ROBO1: variants seen among roughly 807,000 people sequenced by gnomAD.
ROBO1 encodes roundabout guidance receptor 1, also known as roundabout homolog 1.
ROBO1 carries 149 observed loss-of-function variants against 195.9 expected under a neutral mutation model. The ratio of observed to expected loss-of-function variants is 0.76; its 90% CI spans 0.67 to 0.87. ROBO1 has a LOEUF of 0.87. Among genes scored for constraint, ROBO1 ranks in the 40% least tolerant of loss-of-function variants. The pLI, the probability that ROBO1 is intolerant of heterozygous loss-of-function variation, is 0.00. For synonymous variants in ROBO1, 816 were observed against 733.2 expected, an observed-to-expected ratio of 1.11 and a Z score of -1.82; for missense variants, 1,933 against 2,068.3, an observed-to-expected ratio of 0.93 and a Z score of 1.27.
intron 5 of ROBO1, among the ~76,000 whole-genome samples, chr3:78,729,801 T>C (rs2082246676): frequency 6.6e-6 from 1 of 152,236 alleles, no homozygotes; most frequent in South Asian, 2.1e-4. Context: ...CTATGAAAAT[T>C]CTAGGTAGAT....
chr3:79,482,826 T>C (rs933017647), intron 2 of ROBO1, among the ~76,000 whole-genome samples: 2 of 152,178 alleles, frequency 1.3e-5, no homozygotes, highest in African/African-American at 4.8e-5. Context: ...TAGGATATAA[T>C]ATTTATGTCT....
intron 3 of ROBO1, among the ~76,000 whole-genome samples, chr3:79,008,957 T>G (rs2077704032): frequency 6.6e-6 from 1 of 150,416 alleles, no homozygotes; most frequent in Non-Finnish European, 1.5e-5. Flanking sequence ...TTGTTTTGTT[T>G]TGAGATGAGT....
intron 4 of ROBO1, among the ~76,000 whole-genome samples, chr3:78,836,583 G>A (rs2032751086): frequency 6.7e-6 from 1 of 150,244 alleles, no homozygotes. Flanking sequence ...GTATAATGCA[G>A]ACAATTCATT....
At chr3:79,637,555 T>A (rs1382374496) in intron 1 of ROBO1, among the ~76,000 whole-genome samples, 1 of 152,122 alleles carries the variant, frequency 6.6e-6, no homozygotes, top group Non-Finnish European at 1.5e-5. Flanking sequence ...GAATAAAGCA[T>A]AAGCAAGTCA....
chr3:78,668,062 A>G lies in ROBO1; in HGVS notation c.1800-13T>C. On this transcript the variant is annotated splice_polypyrimidine_tract_variant and intron_variant, in intron 13 of 30. Coordinates refer to ENST00000464233, the MANE Select transcript of ROBO1 (RefSeq NM_002941.4). ...ACCAGATGCATGGCTAAGGATAGAC[A>G]CACAGGTTAGAACATGCGTATTTAA... The G allele has an allele frequency of 1.2e-6, 2 of 1,613,312 alleles. No homozygotes were observed. Among genetic ancestry groups the G allele is most frequent in the Non-Finnish European group, 1.7e-6 (2 of 1,179,512 alleles).
intron 2 of ROBO1, among the ~76,000 whole-genome samples, chr3:79,192,715 G>T (rs2081562294): frequency 6.6e-6 from 1 of 151,720 alleles, no homozygotes; most frequent in East Asian, 1.9e-4. Context: ...CGAGGTAGAA[G>T]TAGGAATCTG....
intron 29 of ROBO1, 36 bp downstream of exon 29, chr3:78,606,697 A>G (rs1703477287): frequency 1.9e-6 from 3 of 1,595,906 alleles, no homozygotes; most frequent in Non-Finnish European, 2.6e-6. Flanking sequence ...AAACACACTC[A>G]ATCTGTATTT....
At chr3:78,789,723 TAGA>T (rs1382942634) in intron 4 of ROBO1, among the ~76,000 whole-genome samples, 1 of 152,188 alleles carries the variant, frequency 6.6e-6, no homozygotes, top group Admixed American at 6.5e-5. Flanking sequence ...TTTCCAGTGC[TAGA>T]AGGAGTGCTA....
chr3:79,757,584 C>A (rs1260478951), intron 1 of ROBO1, among the ~76,000 whole-genome samples: 2 of 151,652 alleles, frequency 1.3e-5, no homozygotes, highest in African/African-American at 4.9e-5. Flanking sequence ...GAGGCTGAGG[C>A]AGGAAGATCA....
At chr3:78,619,315 G>A (rs1187022480) in intron 26 of ROBO1, among the ~76,000 whole-genome samples, 2 of 151,966 alleles carry the variant, frequency 1.3e-5, no homozygotes, top group Non-Finnish European at 2.9e-5. Context: ...CACAGCTTGG[G>A]AGGCTAGGAG....
intron 2 of ROBO1, among the ~76,000 whole-genome samples, chr3:79,370,870 T>C (rs138331932): frequency 2.0e-5 from 3 of 152,072 alleles, no homozygotes; most frequent in Admixed American, 6.5e-5. Context: ...CAGTGTGTGA[T>C]GTTCCCCTCC....
chr3:79,108,965 T>C (rs969652685), intron 3 of ROBO1, among the ~76,000 whole-genome samples: 6 of 151,986 alleles, frequency 3.9e-5, no homozygotes, highest in African/African-American at 1.4e-4. Context: ...AAGTATTTTA[T>C]GCAGCTCTTT....
intron 2 of ROBO1, among the ~76,000 whole-genome samples, chr3:79,240,594 T>C (rs2082494168): frequency 6.6e-6 from 1 of 152,176 alleles, no homozygotes; most frequent in Non-Finnish European, 1.5e-5. Context: ...TGTCTTTGCC[T>C]CTGAAAACAT....
chr3:79,051,787 G>T lies in ROBO1; in HGVS notation c.172+73669C>A, dbSNP rs537525028. Reference sequence around the variant, plus strand: ...AATTAATACTTTCATAATTTCTTATGCCTGTCTTTACTGCAATCTCTGAAC... The same window carrying T: ...AATTAATACTTTCATAATTTCTTATTCCTGTCTTTACTGCAATCTCTGAAC... On this transcript the variant is annotated intron_variant, in intron 3 of 30. Coordinates refer to ENST00000464233, the MANE Select transcript of ROBO1 (RefSeq NM_002941.4). Among the ~76,000 whole-genome samples the T allele has an allele frequency of 2.6e-5, 4 of 152,128 alleles. No homozygotes were observed. In the South Asian group the frequency reaches 6.2e-4, roughly 24 times the overall value.
At chr3:78,680,161 C>T (rs1033954019) in intron 10 of ROBO1, among the ~76,000 whole-genome samples, 31 of 152,288 alleles carry the variant, frequency 2.0e-4, no homozygotes, top group African/African-American at 7.2e-4. Flanking sequence ...CCCTTCCTTA[C>T]ACCTTATACA....
intron 2 of ROBO1, among the ~76,000 whole-genome samples, chr3:79,133,723 G>T (rs1440751616): frequency 8.5e-6 from 1 of 116,992 alleles, no homozygotes; most frequent in Non-Finnish European, 1.7e-5. Flanking sequence ...TCCGTTGCTG[G>T]TGAGGAACTG....
chr3:79,635,344 G>A (rs930276924), intron 1 of ROBO1, among the ~76,000 whole-genome samples: 2 of 152,126 alleles, frequency 1.3e-5, no homozygotes, highest in Non-Finnish European at 2.9e-5. Flanking sequence ...TGTATAAGAT[G>A]ATACAAATAA....
Position 78,627,524 on chromosome 3 carries a change from A to G in ROBO1, c.3672T>C (p.Tyr1224=). 6.2e-7 allele frequency: 1 copy of G among 1,613,432 alleles called. No individual in the cohort carries two copies. The highest frequency in any genetic ancestry group is 8.5e-7 in the Non-Finnish European group (1 of 1,179,730). Residue 1224 remains tyrosine, a synonymous_variant, in exon 26 of 31, where the codon TAT becomes TAC. Coordinates refer to ENST00000464233, the MANE Select transcript of ROBO1 (RefSeq NM_002941.4). ...CCTCTTCTAATTCATCTTGTTGCAA[A>G]TACATCCTTGCTGGTGGCACGGGAC... is the stretch of plus-strand genomic sequence containing the variant. The part of the protein sequence containing the change: ...MPCPVPPARM[Y]LQQDELEEEE...
chr3:79,033,791 C>T (rs1425279189), intron 3 of ROBO1, among the ~76,000 whole-genome samples: 2 of 152,078 alleles, frequency 1.3e-5, no homozygotes, highest in Non-Finnish European at 2.9e-5. Flanking sequence ...TTCATCTCAG[C>T]TACAATATAT....
Sources: gnomAD v4.1 joint callset for allele counts (sites outside exome capture counted in the v4.1 genomes callset) on GRCh38, gnomAD v4.1.1 for gene constraint, MANE v1.5 for transcripts, NCBI Gene and HGNC (gene_info 2026-07-23, HGNC 2026-07-21) for gene names.